Variants in PCDH9 observed in about 807,000 individuals in gnomAD.
PCDH9 encodes the protein protocadherin-9.
PCDH9 carries 24 observed loss-of-function variants against 70.6 expected under a neutral mutation model. The ratio of observed to expected loss-of-function variants is 0.34; its 90% CI spans 0.25 to 0.48. The LOEUF (loss-of-function observed/expected upper bound fraction) is 0.48, where lower values mean the gene tolerates loss of function less well. Among genes scored for constraint, PCDH9 ranks in the 20% least tolerant of loss-of-function variants. The pLI, the probability that PCDH9 is intolerant of heterozygous loss-of-function variation, is 0.99. For missense variants in PCDH9, 1,281 were observed against 1,503.6 expected, an observed-to-expected ratio of 0.85 and a Z score of 2.45; for synonymous variants, 562 against 558.5, an observed-to-expected ratio of 1.01 and a Z score of -0.09.
intron 2 of PCDH9, among the ~76,000 whole-genome samples, chr13:67,014,093 C>A (rs2084509002): frequency 6.6e-6 from 1 of 152,018 alleles, no homozygotes; most frequent in Admixed American, 6.6e-5. Flanking sequence ...AGTCAGAACT[C>A]TTTTGCTTTC....
At chr13:66,442,220 AAAAT>A (rs1214258996) in intron 4 of PCDH9, among the ~76,000 whole-genome samples, 1 of 152,214 alleles carries the variant, frequency 6.6e-6, no homozygotes, top group African/African-American at 2.4e-5. Flanking sequence ...AGTAGGCATG[AAAAT>A]AAATAAATAA....
chr13:67,078,348 A>C (rs1009669727), intron 2 of PCDH9, among the ~76,000 whole-genome samples: 1 of 152,134 alleles, frequency 6.6e-6, no homozygotes, highest in African/African-American at 2.4e-5. Context: ...TTCTTTTGTA[A>C]GTGTGAAACC....
intron 2 of PCDH9, among the ~76,000 whole-genome samples, chr13:66,969,729 T>A (rs1301473184): frequency 3.3e-5 from 5 of 152,026 alleles, no homozygotes; most frequent in Admixed American, 3.3e-4. Flanking sequence ...TTTATCAAAA[T>A]TCCATTTTCA....
chr13:66,641,713 C>T (rs372580942), intron 3 of PCDH9, among the ~76,000 whole-genome samples: 14 of 152,066 alleles, frequency 9.2e-5, no homozygotes, highest in African/African-American at 3.1e-4. Context: ...TATGAAGGGA[C>T]AGATAGATGA....
chr13:66,537,389 T>C lies in PCDH9; in HGVS notation c.3340+93821A>G, dbSNP rs867941103. 7.2e-5 allele frequency among the ~76,000 whole-genome samples: 11 copies of C among 152,220 alleles called. No individual in the cohort carries two copies. In the South Asian group the frequency reaches 1.2e-3, roughly 17 times the overall value. On this transcript the variant is annotated intron_variant, in intron 4 of 4. Transcript: ENST00000377865. ...CATAATTGGTATACATATTTTGATATATATAATAAATAGGTGAAAGAAATA... is the reference window on the plus strand; with the variant it reads ...CATAATTGGTATACATATTTTGATACATATAATAAATAGGTGAAAGAAATA...
intron 3 of PCDH9, among the ~76,000 whole-genome samples, chr13:66,721,188 A>G (rs1470179982): frequency 6.6e-6 from 1 of 152,172 alleles, no homozygotes; most frequent in African/African-American, 2.4e-5. Flanking sequence ...ATATTTGACT[A>G]ATTTGGGAAT....
intron 4 of PCDH9, among the ~76,000 whole-genome samples, chr13:66,327,114 A>C (rs1471337684): frequency 6.6e-6 from 1 of 152,226 alleles, no homozygotes; most frequent in African/African-American, 2.4e-5. Flanking sequence ...TAGCCTTATC[A>C]AACTCTGAAG....
At chr13:66,612,978 G>A (rs1593777807) in intron 4 of PCDH9, among the ~76,000 whole-genome samples, 2 of 152,136 alleles carry the variant, frequency 1.3e-5, no homozygotes, top group African/African-American at 4.8e-5. Context: ...CAAAGTGGGG[G>A]CTCAATAAGT....
chr13:66,562,119 G>A lies in PCDH9; in HGVS notation c.3340+69091C>T, dbSNP rs531908932. Among the ~76,000 whole-genome samples the A allele has an allele frequency of 9.3e-4, 142 of 152,112 alleles. 4 individuals are homozygous for A. Among genetic ancestry groups the A allele is most frequent in the South Asian group, 5.2e-3 (25 of 4,798 alleles). On this transcript the variant is annotated intron_variant, in intron 4 of 4. Transcript: ENST00000377865. ...GTAACACTCACCGCAAGGGTCCACG[G>A]CTTCATTCTTGAAGTCAGTGAGAGC...
intron 3 of PCDH9, among the ~76,000 whole-genome samples, chr13:66,769,676 T>C (rs2079774597): frequency 6.6e-6 from 1 of 152,272 alleles, no homozygotes; most frequent in African/African-American, 2.4e-5. Context: ...GGCTGCTGTT[T>C]TTAAAAATGA....
chr13:66,733,674 A>G (rs2079105753), intron 3 of PCDH9, among the ~76,000 whole-genome samples: 1 of 59,980 alleles, frequency 1.7e-5, no homozygotes, highest in African/African-American at 3.5e-5. Context: ...GTATAAAGGT[A>G]GGCTTTTTTT....
chr13:66,627,207 T>A (rs2077510703), intron 4 of PCDH9, among the ~76,000 whole-genome samples: 1 of 152,258 alleles, frequency 6.6e-6, no homozygotes, highest in African/African-American at 2.4e-5. Flanking sequence ...CAGATCATAC[T>A]GACATCCAAT....
chr13:66,888,230 C>T (rs2082039781), intron 3 of PCDH9, among the ~76,000 whole-genome samples: 1 of 152,144 alleles, frequency 6.6e-6, no homozygotes, highest in Non-Finnish European at 1.5e-5. Flanking sequence ...TCCAGTGGCT[C>T]GTGCCTATGA....
At chr13:67,106,235 T>C (rs1476179433) in intron 2 of PCDH9, among the ~76,000 whole-genome samples, 2 of 152,220 alleles carry the variant, frequency 1.3e-5, no homozygotes, top group Non-Finnish European at 2.9e-5. Context: ...CTGCTCTATA[T>C]ATGCTTCCTA....
chr13:67,132,064 A>G (rs961890666), intron 2 of PCDH9, among the ~76,000 whole-genome samples: 1 of 152,162 alleles, frequency 6.6e-6, no homozygotes, highest in South Asian at 2.1e-4. Flanking sequence ...CAGGAGAACT[A>G]AAAACTCAAG....
chr13:67,027,738 C>T (rs564167193), intron 2 of PCDH9, among the ~76,000 whole-genome samples: 71 of 150,880 alleles, frequency 4.7e-4, no homozygotes, highest in African/African-American at 1.6e-3. Context: ...AACAAACAAC[C>T]CCATCAAAAA....
rs368697363 is a variant in PCDH9 at position 67,096,932 on chromosome 13, C to T, written c.3036+128473G>A. ...TTTGTTTTCATTTTCAAATGATTGA[C>T]TGGCACAGTTTTTAAAATATTTTAA... On this transcript the variant is annotated intron_variant, in intron 2 of 4. Transcript: ENST00000377865. Among the ~76,000 whole-genome samples, 6 of 152,140 alleles carry T rather than the reference C, an allele frequency of 3.9e-5. No homozygotes were observed. The East Asian group carries it at 7.7e-4, about 20-fold the overall frequency.
intron 3 of PCDH9, among the ~76,000 whole-genome samples, chr13:66,856,049 T>G (rs1158289219): frequency 6.6e-6 from 1 of 151,996 alleles, no homozygotes; most frequent in Non-Finnish European, 1.5e-5. Flanking sequence ...ACTATAGGTA[T>G]AGGTTTTTAC....
chr13:66,491,079 C>CTGTT (rs1959025015), intron 4 of PCDH9, among the ~76,000 whole-genome samples: 1 of 152,166 alleles, frequency 6.6e-6, no homozygotes, highest in Admixed American at 6.6e-5. Flanking sequence ...TCCTGAACAT[C>CTGTT]TGTTTTAAAC....
Sources: allele counts gnomAD v4.1 joint callset (sites outside exome capture counted in the v4.1 genomes callset), GRCh38; gene constraint gnomAD v4.1.1; transcripts MANE v1.5; gene names NCBI Gene and HGNC (gene_info 2026-07-23, HGNC 2026-07-21).